Variants in SLC25A13 observed in about 807,000 individuals in gnomAD.
SLC25A13 encodes solute carrier family 25 member 13.
A neutral mutation model predicts 85.5 loss-of-function variants in SLC25A13; 70 were observed. The ratio of observed to expected loss-of-function variants is 0.82; its 90% CI spans 0.68 to 1.00. The LOEUF is 1.00. Ranked by LOEUF, SLC25A13 falls within the 50% of genes least tolerant of loss-of-function variation. The pLI is 0.00. For missense variants in SLC25A13, 765 were observed against 819.8 expected, an observed-to-expected ratio of 0.93 and a Z score of 0.82; for synonymous variants, 259 against 288.7, an observed-to-expected ratio of 0.90 and a Z score of 1.04.
In SLC25A13 at chr7:96,174,442, C is replaced by T. The variant is rs531011718; in HGVS notation, c.1178-2918G>A. ...GTAAGATATCTATAATAGGAGAAGG[C>T]TTGGTTATTACCTAATAAAAGTACA... On this transcript the variant is annotated intron_variant, in intron 11 of 17. Coordinates refer to ENST00000265631, the MANE Select transcript of SLC25A13 (RefSeq NM_014251.3). Among the ~76,000 whole-genome samples, 3 of 152,318 alleles carry T rather than the reference C, an allele frequency of 2.0e-5. No homozygotes were observed. In the South Asian group the frequency reaches 6.2e-4, roughly 32 times the overall value.
intron 1 of SLC25A13, among the ~76,000 whole-genome samples, chr7:96,302,217 T>A (rs1335489815): frequency 2.0e-5 from 3 of 152,184 alleles, no homozygotes; most frequent in Non-Finnish European, 2.9e-5. Context: ...CTGGTGTTTT[T>A]AAAAAGGCAG....
At chr7:96,154,100 C>G (rs916545865) in intron 13 of SLC25A13, among the ~76,000 whole-genome samples, 10 of 152,068 alleles carry the variant, frequency 6.6e-5, no homozygotes, top group Non-Finnish European at 1.2e-4. Flanking sequence ...AGCAATCCTC[C>G]TAAACAAAAC....
intron 13 of SLC25A13, 122 bp from the exon 14 acceptor site, chr7:96,146,818 C>A: frequency 8.3e-7 from 1 of 1,208,562 alleles, no homozygotes; most frequent in South Asian, 1.2e-5. Flanking sequence ...AGTTTCAGCC[C>A]TTGTCCCATC....
In SLC25A13 at chr7:96,193,333, T is replaced by C. The variant is rs17848733; in HGVS notation, c.469-150A>G. 7.3e-5 allele frequency: 68 copies of C among 928,056 alleles called. No homozygotes were observed. The East Asian group carries it at 1.7e-3, about 23-fold the overall frequency. 57.5% of individuals were successfully genotyped at this position (928,056 alleles called of 1,614,324 possible). A position where few individuals can be genotyped will look rare whatever the true frequency, so the allele number is the denominator to read the frequency against. On this transcript the variant is annotated intron_variant, in intron 5 of 17. Coordinates refer to ENST00000265631, the MANE Select transcript of SLC25A13 (RefSeq NM_014251.3). Reference sequence around the variant, plus strand: ...CTGCCTAATAGCACCACCAAGCTACTGTCTCCTTCCAAGAGACAGAACTTT... The same window carrying C: ...CTGCCTAATAGCACCACCAAGCTACCGTCTCCTTCCAAGAGACAGAACTTT...
At chr7:96,290,843 C>T (rs1187239106) in intron 2 of SLC25A13, among the ~76,000 whole-genome samples, 2 of 152,112 alleles carry the variant, frequency 1.3e-5, no homozygotes, top group Admixed American at 6.5e-5. Flanking sequence ...GACTTTAACA[C>T]CCCACTGTCA....
intron 14 of SLC25A13, among the ~76,000 whole-genome samples, chr7:96,138,553 G>T (rs1348887159): frequency 6.6e-6 from 1 of 151,828 alleles, no homozygotes; most frequent in Non-Finnish European, 1.5e-5. Context: ...ATGACACCAT[G>T]TCTAGCTAAT....
intron 2 of SLC25A13, among the ~76,000 whole-genome samples, chr7:96,294,409 C>T (rs1371647406): frequency 6.6e-6 from 1 of 151,948 alleles, no homozygotes; most frequent in Non-Finnish European, 1.5e-5. Flanking sequence ...TGCCCATGTA[C>T]CCTAGAACTT....
rs78084941 is a variant in SLC25A13, at chr7:96,169,197, T to C, written c.1311+848A>G. 4.0e-4 allele frequency among the ~76,000 whole-genome samples: 61 copies of C among 152,258 alleles called. No homozygotes were observed. The East Asian group carries it at 0.011, about 28-fold the overall frequency. On this transcript the variant is annotated intron_variant, in intron 13 of 17. Coordinates refer to ENST00000265631, the MANE Select transcript of SLC25A13 (RefSeq NM_014251.3). ...ACAATAAGCCCTTTCCACACAAACATTGCCCAACGTCTACATTCAAGGATC... is the reference window on the plus strand; with the variant it reads ...ACAATAAGCCCTTTCCACACAAACACTGCCCAACGTCTACATTCAAGGATC...
chr7:96,264,080 C>G (rs577389703), intron 3 of SLC25A13, among the ~76,000 whole-genome samples: 1 of 152,124 alleles, frequency 6.6e-6, no homozygotes, highest in Non-Finnish European at 1.5e-5. Context: ...TAATTACTCC[C>G]TTGCACGCCC....
At chr7:96,290,757 A>AG (rs1316724782) in intron 2 of SLC25A13, among the ~76,000 whole-genome samples, 1 of 152,236 alleles carries the variant, frequency 6.6e-6, no homozygotes, top group Non-Finnish European at 1.5e-5. Flanking sequence ...CACCCAATAC[A>AG]GGAGCACCAA....
At chr7:96,293,369 G>A (rs1279112145) in intron 2 of SLC25A13, among the ~76,000 whole-genome samples, 2 of 152,154 alleles carry the variant, frequency 1.3e-5, no homozygotes, top group African/African-American at 4.8e-5. Flanking sequence ...ACAGGCATGG[G>A]CAAGGACCTC....
Position 96,269,200 on chromosome 7 carries a change from G to A in SLC25A13, c.212+7996C>T, listed in dbSNP as rs576754559. Among the ~76,000 whole-genome samples, 135 of 152,254 alleles carry A rather than the reference G, an allele frequency of 8.9e-4. 4 individuals are homozygous for A. The South Asian group carries it at 0.027, about 31-fold the overall frequency. ...GTTCCCAAAGAGCTGCTGAATAACT[G>A]GAGAGTGTTCAGAGAGAAGCTCCAA... On this transcript the variant is annotated intron_variant, in intron 3 of 17. Coordinates refer to ENST00000265631, the MANE Select transcript of SLC25A13 (RefSeq NM_014251.3).
chr7:96,232,707 A>G (rs1796595813), intron 4 of SLC25A13, among the ~76,000 whole-genome samples: 1 of 151,066 alleles, frequency 6.6e-6, no homozygotes, highest in Non-Finnish European at 1.5e-5. Flanking sequence ...TTTTAGTATC[A>G]CTATTTGTAT....
At chr7:96,184,236 G>A (rs1350830756) in intron 11 of SLC25A13, 41 bp downstream of exon 11, 1 of 1,611,486 alleles carries the variant, frequency 6.2e-7, no homozygotes, top group African/African-American at 1.3e-5. Context: ...AAACCTTTGA[G>A]TGTTATTTCA....
At chr7:96,177,070 T>A (rs950965325) in intron 11 of SLC25A13, among the ~76,000 whole-genome samples, 2 of 152,228 alleles carry the variant, frequency 1.3e-5, no homozygotes, top group African/African-American at 4.8e-5. Flanking sequence ...TCATATGTTA[T>A]GTATTCCAAA....
At chr7:96,141,648 T>C (rs1792569104) in intron 14 of SLC25A13, among the ~76,000 whole-genome samples, 1 of 152,188 alleles carries the variant, frequency 6.6e-6, no homozygotes, top group South Asian at 2.1e-4. Flanking sequence ...AGCATGTCCC[T>C]GGGTATCAGA....
chr7:96,168,175 C>T (rs1030428310), intron 13 of SLC25A13, among the ~76,000 whole-genome samples: 3 of 142,250 alleles, frequency 2.1e-5, no homozygotes, highest in African/African-American at 5.1e-5. Flanking sequence ...ATGGAACCAT[C>T]CATTCATCTA....
chr7:96,246,799 T>C (rs1797208759), intron 3 of SLC25A13, among the ~76,000 whole-genome samples: 1 of 152,194 alleles, frequency 6.6e-6, no homozygotes, highest in Non-Finnish European at 1.5e-5. Flanking sequence ...TTATTCATGG[T>C]GTGGGCAAGA....
rs1466860984 is a variant in SLC25A13 at position 96,232,537 on chromosome 7, CCT to C, written c.328+2263_328+2264del. ...AATGAAATAATTTGTACAACAAACC[CCT>C]GTGACACAAATTTACCTATATAGTA... On this transcript the variant is annotated intron_variant, in intron 4 of 17. Transcript: ENST00000265631. Among the ~76,000 whole-genome samples the C allele has an allele frequency of 5.9e-5, 9 of 151,290 alleles. No individual in the cohort carries two copies. In the East Asian group the frequency reaches 1.6e-3, roughly 26 times the overall value.
Sources: allele counts gnomAD v4.1 joint callset (sites outside exome capture counted in the v4.1 genomes callset), GRCh38; gene constraint gnomAD v4.1.1; transcripts MANE v1.5; gene names NCBI Gene and HGNC (gene_info 2026-07-23, HGNC 2026-07-21).